CSGALNACT1: variants seen among roughly 807,000 people sequenced by gnomAD.
CSGALNACT1 encodes beta4GalNAcT-1.
CSGALNACT1 carries 52 observed loss-of-function variants against 51.0 expected under a neutral mutation model. The observed-to-expected ratio is 1.02, with a 90% CI of 0.82 to 1.29. The LOEUF (loss-of-function observed/expected upper bound fraction) is 1.29. Ranked by LOEUF, CSGALNACT1 falls within the 50% of genes most tolerant of loss-of-function variation. The pLI is 0.00. For synonymous variants in CSGALNACT1, 341 were observed against 254.4 expected, an observed-to-expected ratio of 1.34 and a Z score of -3.24; for missense variants, 935 against 679.2, an observed-to-expected ratio of 1.38 and a Z score of -4.19.
intron 1 of CSGALNACT1, among the ~76,000 whole-genome samples, chr8:19,675,112 G>A (rs763940237): frequency 6.6e-6 from 1 of 152,176 alleles, no homozygotes; most frequent in Non-Finnish European, 1.5e-5. Flanking sequence ...AAATCTGAGA[G>A]TTGCCAATAG....
chr8:19,425,894 A>G (rs180868503), intron 6 of CSGALNACT1, among the ~76,000 whole-genome samples: 370 of 152,180 alleles, frequency 2.4e-3, no homozygotes, highest in Non-Finnish European at 4.2e-3. Context: ...CCATGTCAAG[A>G]ATCACCGCCC....
At chr8:19,720,794 C>T (rs1477599415) in intron 1 of CSGALNACT1, among the ~76,000 whole-genome samples, 2 of 152,168 alleles carry the variant, frequency 1.3e-5, no homozygotes, top group South Asian at 2.1e-4. Flanking sequence ...AATGTCCTGG[C>T]CAAGCAGCAT....
intron 6 of CSGALNACT1, among the ~76,000 whole-genome samples, chr8:19,435,654 G>T (rs915698553): frequency 1.3e-5 from 2 of 152,078 alleles, no homozygotes; most frequent in African/African-American, 4.8e-5. Context: ...GGATTTCTGG[G>T]CCTGGGTCCC....
chr8:19,449,811 G>T (rs888782413), intron 5 of CSGALNACT1, among the ~76,000 whole-genome samples: 1 of 151,854 alleles, frequency 6.6e-6, no homozygotes, highest in Non-Finnish European at 1.5e-5. Flanking sequence ...AATTGAGAAA[G>T]ATTTTTTTTA....
At chr8:19,516,480 G>C (rs1426374141) in intron 3 of CSGALNACT1, among the ~76,000 whole-genome samples, 1 of 151,966 alleles carries the variant, frequency 6.6e-6, no homozygotes, top group Non-Finnish European at 1.5e-5. Context: ...GAGCTTGCCT[G>C]GCCCCTCAAA....
intron 3 of CSGALNACT1, among the ~76,000 whole-genome samples, chr8:19,543,565 T>C (rs1453284900): frequency 6.6e-6 from 1 of 152,178 alleles, no homozygotes; most frequent in East Asian, 1.9e-4. Flanking sequence ...GTGACTATCT[T>C]CCTAATATGA....
intron 4 of CSGALNACT1, among the ~76,000 whole-genome samples, chr8:19,460,677 A>G (rs564610052): frequency 3.3e-5 from 5 of 152,358 alleles, no homozygotes; most frequent in African/African-American, 7.2e-5. Flanking sequence ...TGAAAGGTAC[A>G]TAAATAGATT....
intron 1 of CSGALNACT1, among the ~76,000 whole-genome samples, chr8:19,700,622 A>G (rs542112895): frequency 6.6e-6 from 1 of 152,152 alleles, no homozygotes; most frequent in Admixed American, 6.5e-5. Context: ...TGCACCTACA[A>G]TTGATTGAAC....
At chr8:19,623,760 C>T (rs1015420939) in intron 1 of CSGALNACT1, among the ~76,000 whole-genome samples, 1 of 152,228 alleles carries the variant, frequency 6.6e-6, no homozygotes, top group African/African-American at 2.4e-5. Flanking sequence ...TACTTAGGAC[C>T]TATTGATAAT....
At chr8:19,554,316 C>T (rs1007328120) in intron 3 of CSGALNACT1, among the ~76,000 whole-genome samples, 2 of 152,114 alleles carry the variant, frequency 1.3e-5, no homozygotes, top group Admixed American at 6.5e-5. Context: ...AGTTGGTTAA[C>T]TTATCAAATC....
At position 19,520,900 on chromosome 8, in the gene CSGALNACT1, G is replaced by A. The variant is rs921832966; in HGVS notation, c.-296-14770C>T. ...CACAGCAAATCGGGGTCTCTAGTCC[G>A]GTGTTGTCTGTGCTCTTAAGCACCA... On this transcript the variant is annotated intron_variant, in intron 3 of 9. Transcript: ENST00000454498. 7.2e-5 allele frequency among the ~76,000 whole-genome samples: 11 copies of A among 152,294 alleles called. No homozygotes were observed. The South Asian group carries it at 1.0e-3, about 14-fold the overall frequency.
chr8:19,480,511 C>T (rs889008469), intron 4 of CSGALNACT1, among the ~76,000 whole-genome samples: 6 of 152,142 alleles, frequency 3.9e-5, no homozygotes, highest in Admixed American at 3.9e-4. Flanking sequence ...TTTATCCAGT[C>T]TACTGTTGAT....
chr8:19,445,787 C>T (rs1451828542), intron 5 of CSGALNACT1, among the ~76,000 whole-genome samples: 4 of 152,186 alleles, frequency 2.6e-5, no homozygotes, highest in Non-Finnish European at 5.9e-5. Context: ...CTAAATAATT[C>T]TGAGTAAACT....
intron 4 of CSGALNACT1, among the ~76,000 whole-genome samples, chr8:19,464,766 A>C (rs6586835): frequency 0.14 from 20,710 of 152,186 alleles, 1,491 homozygotes; most frequent in Middle Eastern, 0.22. Flanking sequence ...GTTTCATCCC[A>C]AAACCACCAC....
At chr8:19,594,689 A>G (rs939755189) in intron 2 of CSGALNACT1, among the ~76,000 whole-genome samples, 2 of 151,650 alleles carry the variant, frequency 1.3e-5, no homozygotes, top group Admixed American at 1.3e-4. Flanking sequence ...GATTACAGGT[A>G]CACGCCACCA....
At chr8:19,692,530 C>T (rs1589545686) in intron 1 of CSGALNACT1, among the ~76,000 whole-genome samples, 1 of 152,126 alleles carries the variant, frequency 6.6e-6, no homozygotes, top group Non-Finnish European at 1.5e-5. Context: ...TTTTCTTTAT[C>T]GAGTGACAGG....
intron 1 of CSGALNACT1, among the ~76,000 whole-genome samples, chr8:19,708,312 C>G (rs923586719): frequency 1.3e-5 from 2 of 152,210 alleles, no homozygotes; most frequent in Non-Finnish European, 2.9e-5. Flanking sequence ...CACTGCATCA[C>G]CTGGGATGCC....
At chr8:19,442,531 G>A (rs557394846) in intron 5 of CSGALNACT1, among the ~76,000 whole-genome samples, 5 of 148,914 alleles carry the variant, frequency 3.4e-5, no homozygotes, top group East Asian at 4.0e-4. Flanking sequence ...GAGAACACAC[G>A]GACACAGGAA....
intron 6 of CSGALNACT1, among the ~76,000 whole-genome samples, chr8:19,428,515 C>G (rs2059133392): frequency 6.6e-6 from 1 of 152,102 alleles, no homozygotes. Flanking sequence ...TCGCCAGGTC[C>G]CTCCCACAAC....
Sources: gnomAD v4.1 joint callset for allele counts (sites outside exome capture counted in the v4.1 genomes callset) on GRCh38, gnomAD v4.1.1 for gene constraint, MANE v1.5 for transcripts, NCBI Gene and HGNC (gene_info 2026-07-23, HGNC 2026-07-21) for gene names.